The following SAMMSON variants were observed in gnomAD, a reference collection of about 807,000 sequenced individuals.
The protein encoded by SAMMSON is survival associated mitochondrial melanoma specific oncogenic non-coding RNA.
At position 70,349,979 on chromosome 3, in the gene SAMMSON, T is replaced by C. The variant is rs1229589067; in HGVS notation, n.740-4196T>C. Reference sequence around the variant, plus strand: ...ACTGAGCTCTTGCACAGCACTCTTCTATTAGAAAGTCTATAGATACATTGA... The same window carrying C: ...ACTGAGCTCTTGCACAGCACTCTTCCATTAGAAAGTCTATAGATACATTGA... On this transcript the variant is annotated intron_variant and non_coding_transcript_variant, in intron 7 of 9. Transcript: ENST00000642114. Among the ~76,000 whole-genome samples, 6 of 152,344 alleles carry C rather than the reference T, an allele frequency of 3.9e-5. No homozygotes were observed. The East Asian group carries it at 1.2e-3, about 29-fold the overall frequency.
chr3:70,015,778 T>A (rs1417335155), intron 3 of SAMMSON, among the ~76,000 whole-genome samples: 1 of 152,142 alleles, frequency 6.6e-6, no homozygotes, highest in Non-Finnish European at 1.5e-5. Context: ...GTGTTCTCAT[T>A]GTTCAATTCC....
intron 6 of SAMMSON, among the ~76,000 whole-genome samples, chr3:70,280,916 A>T (rs985196076): frequency 6.6e-6 from 1 of 152,028 alleles, no homozygotes; most frequent in African/African-American, 2.4e-5. Context: ...GGGTTTCCCT[A>T]CTCAGTCTAC....
At chr3:70,024,054 C>T (rs1335954085) in intron 3 of SAMMSON, among the ~76,000 whole-genome samples, 1 of 152,144 alleles carries the variant, frequency 6.6e-6, no homozygotes, top group Non-Finnish European at 1.5e-5. Flanking sequence ...CCTAATTTCA[C>T]ATCTGCCTCA....
At chr3:70,201,399 A>C (rs1030877295) in intron 4 of SAMMSON, among the ~76,000 whole-genome samples, 1 of 152,110 alleles carries the variant, frequency 6.6e-6, no homozygotes. Context: ...ACAGCTGTGT[A>C]GTTCTCCATG....
At chr3:70,062,051 A>G (rs1488604449) in intron 3 of SAMMSON, among the ~76,000 whole-genome samples, 1 of 152,066 alleles carries the variant, frequency 6.6e-6, no homozygotes, top group African/African-American at 2.4e-5. Flanking sequence ...AACCCTCCAC[A>G]GTGATCATCC....
rs1340737904 is a variant in SAMMSON at position 70,287,542 on chromosome 3, G to A, written n.675-3637G>A. ...CTCTTTTTTGGTTGTGTCTCTGCCC[G>A]GCTTTGGTATCAGAATGATGCTGGC... On this transcript the variant is annotated intron_variant and non_coding_transcript_variant, in intron 6 of 9. Transcript: ENST00000642114. Among the ~76,000 whole-genome samples, 18 of 151,946 alleles carry A rather than the reference G, an allele frequency of 1.2e-4. 1 individual carries two copies. The highest frequency in any genetic ancestry group is 2.9e-4 in the African/African-American group (12 of 41,494).
At chr3:70,408,995 C>T (rs924045509) in intron 2 of SAMMSON, among the ~76,000 whole-genome samples, 1 of 152,084 alleles carries the variant, frequency 6.6e-6, no homozygotes, top group Non-Finnish European at 1.5e-5. Flanking sequence ...GGTGCAAAAG[C>T]GGAAACCCCT....
At chr3:70,165,255 A>G (rs1226049717) in intron 4 of SAMMSON, among the ~76,000 whole-genome samples, 1 of 152,024 alleles carries the variant, frequency 6.6e-6, no homozygotes, top group African/African-American at 2.4e-5. Context: ...TTATCAGATA[A>G]CACAGGCTAA....
At chr3:70,219,395 GT>G (rs1373342735) in intron 4 of SAMMSON, among the ~76,000 whole-genome samples, 1 of 152,098 alleles carries the variant, frequency 6.6e-6, no homozygotes, top group African/African-American at 2.4e-5. Flanking sequence ...AGGCTGTTAA[GT>G]TTTTTTAGAG....
At chr3:70,244,956 A>G (rs1449070468) in intron 4 of SAMMSON, among the ~76,000 whole-genome samples, 4 of 152,166 alleles carry the variant, frequency 2.6e-5, no homozygotes, top group Non-Finnish European at 5.9e-5. Flanking sequence ...AATTATATAT[A>G]TAAAAATCAT....
At chr3:70,148,897 T>G (rs1218895453) in intron 4 of SAMMSON, among the ~76,000 whole-genome samples, 5 of 152,166 alleles carry the variant, frequency 3.3e-5, no homozygotes, top group African/African-American at 1.2e-4. Flanking sequence ...TGGTTTGGAA[T>G]GGATTTCTGA....
chr3:70,099,108 T>C (rs894562626), intron 4 of SAMMSON, among the ~76,000 whole-genome samples: 1 of 152,262 alleles, frequency 6.6e-6, no homozygotes, highest in African/African-American at 2.4e-5. Context: ...ACTTTTGTGC[T>C]ATTTCCTTTT....
chr3:70,402,914 A>G (rs1422371495), intron 2 of SAMMSON, among the ~76,000 whole-genome samples: 3 of 151,982 alleles, frequency 2.0e-5, no homozygotes, highest in Non-Finnish European at 4.4e-5. Context: ...TCTACCATTT[A>G]TATACCACAT....
intron 4 of SAMMSON, among the ~76,000 whole-genome samples, chr3:70,213,323 A>C (rs73116295): frequency 0.037 from 5,599 of 152,242 alleles, 134 homozygotes; most frequent in Middle Eastern, 0.061. Context: ...TTTTCTTGTG[A>C]GCAGTAAACT....
chr3:70,359,539 A>G (rs1702856321), intron 9 of SAMMSON, among the ~76,000 whole-genome samples: 1 of 152,208 alleles, frequency 6.6e-6, no homozygotes, highest in Non-Finnish European at 1.5e-5. Flanking sequence ...ATGAGAGATC[A>G]GAAAGAGCGC....
intron 7 of SAMMSON, among the ~76,000 whole-genome samples, chr3:70,326,135 C>T (rs1316001796): frequency 6.6e-6 from 1 of 151,912 alleles, no homozygotes; most frequent in East Asian, 1.9e-4. Context: ...CTCTTTCCTC[C>T]CTCCTTCCCT....
intron 3 of SAMMSON, among the ~76,000 whole-genome samples, chr3:70,019,872 C>A (rs1191796452): frequency 6.6e-6 from 1 of 152,118 alleles, no homozygotes. Flanking sequence ...CCCTGTTTGG[C>A]TTTGTTTGAC....
At chr3:70,184,190 C>G (rs1403169262) in intron 4 of SAMMSON, 1 of 152,132 alleles carries the variant, frequency 6.6e-6, no homozygotes, top group Non-Finnish European at 1.5e-5. Flanking sequence ...AATGCTGAAA[C>G]CAGTGTTTCA....
intron 4 of SAMMSON, among the ~76,000 whole-genome samples, chr3:70,144,344 G>C (rs1287687742): frequency 6.6e-6 from 1 of 151,962 alleles, no homozygotes; most frequent in East Asian, 1.9e-4. Context: ...CCCATACAGA[G>C]AAAAACTATA....
Sources: allele counts gnomAD v4.1 joint callset (sites outside exome capture counted in the v4.1 genomes callset), GRCh38; gene constraint gnomAD v4.1.1; transcripts MANE v1.5; gene names NCBI Gene and HGNC (gene_info 2026-07-23, HGNC 2026-07-21).